Variants in RNF213 observed in about 807,000 individuals in gnomAD.
RNF213 encodes the protein E3 ubiquitin-protein ligase RNF213.
A neutral mutation model predicts 514.4 loss-of-function variants in RNF213; 341 were observed. The ratio of observed to expected loss-of-function variants is 0.66; its 90% CI spans 0.61 to 0.73. RNF213 has a LOEUF of 0.73. Ranked by LOEUF, RNF213 falls within the 30% of genes least tolerant of loss-of-function variation. RNF213 has a pLI of 0.00. For synonymous variants in RNF213, 2,655 were observed against 2,658.2 expected (o/e 1.00, Z 0.04); for missense variants, 5,767 against 6,615.6 (o/e 0.87, Z 4.45).
At chr17:80,390,560 C>T (rs2080424748) in intron 67 of RNF213, among the ~76,000 whole-genome samples, 1 of 151,912 alleles carries the variant, frequency 6.6e-6, no homozygotes, top group Admixed American at 6.6e-5. Flanking sequence ...CCATGCCTGG[C>T]TAATTTTTGT....
At chr17:80,309,751 T>C (rs1165881531) in intron 14 of RNF213, among the ~76,000 whole-genome samples, 1 of 149,636 alleles carries the variant, frequency 6.7e-6, no homozygotes, top group East Asian at 2.0e-4. Context: ...AGTTTTTTTT[T>C]TGTTTTTTGT....
chr17:80,334,040 G>C, intron 21 of RNF213, 65 bp from the exon 22 acceptor site: 1 of 1,530,164 alleles, frequency 6.5e-7, no homozygotes, highest in Non-Finnish European at 8.8e-7. Flanking sequence ...GTCAGTGCTT[G>C]CAGCTCACAG....
chr17:80,393,259 A>T, intron 67 of RNF213, 86 bp from the exon 68 acceptor site: 1 of 1,107,224 alleles, frequency 9.0e-7, no homozygotes, highest in Non-Finnish European at 1.3e-6. Flanking sequence ...GGGCTTACAC[A>T]CGTGAGCCAC....
rs2046330674 is a variant in RNF213 at position 80,328,310 on chromosome 17, G to A, written c.3368-18G>A. ...TGTTGCTGTATTGGGTTACTTTATT[G>A]GTGTTCTTATTTTCCAGGGGAAAAA... On this transcript the variant is annotated intron_variant, in intron 19 of 67. Transcript: ENST00000582970. 6.5e-7 allele frequency: 1 copy of A among 1,533,034 alleles called. No homozygotes were observed. Among genetic ancestry groups the A allele is most frequent in the East Asian group, 2.4e-5 (1 of 40,862 alleles). The allele number at this position is 1,533,034 out of a possible 1,614,324, so 95.0% of individuals were successfully genotyped here. A position where few individuals can be genotyped will look rare whatever the true frequency, so the allele number is the denominator to read the frequency against.
chr17:80,287,927 A>T lies in RNF213; in HGVS notation c.374A>T (p.Asn125Ile), dbSNP rs1360739590. Reference sequence around the variant, plus strand: ...CCCTGTCACCTGACTTTGCTTTCAAACCCGTGGCCTCAGGACACAGCCCTG... The same window carrying T: ...CCCTGTCACCTGACTTTGCTTTCAATCCCGTGGCCTCAGGACACAGCCCTG... ...ASPCHLTLLS[N>I]PWPQDTALPH... Residue 125 changes from asparagine to isoleucine, a missense_variant, in exon 4 of 68, where the codon AAC becomes ATC. By Grantham distance (149) the Asn-to-Ile change is moderately radical (BLOSUM62 -3). This residue lies in a region of RNF213 where 509 missense variants were observed against 496.7 expected (regional missense o/e 1.02). Transcript: ENST00000582970. 6.4e-7 allele frequency: 1 copy of T among 1,570,798 alleles called. No homozygotes were observed. The highest frequency in any genetic ancestry group is 8.6e-7 in the Non-Finnish European group (1 of 1,158,068).
At position 80,372,793 on chromosome 17, in the gene RNF213, A is replaced by G. The variant is rs1438647510; in HGVS notation, c.12751+59A>G. 14 of 1,547,920 alleles carry G rather than the reference A, an allele frequency of 9.0e-6. No individual in the cohort carries two copies. The African/African-American group carries it at 1.5e-4, about 17-fold the overall frequency. Reference sequence around the variant, plus strand: ...TAAAGACTCCGTTATTTAGAAATTCAGGAAGTATGGGAAACTAGTTCTTCG... The same window carrying G: ...TAAAGACTCCGTTATTTAGAAATTCGGGAAGTATGGGAAACTAGTTCTTCG... On this transcript the variant is annotated intron_variant, in intron 48 of 67. Coordinates refer to ENST00000582970, the MANE Select transcript of RNF213 (RefSeq NM_001256071.3).
At position 80,339,957 on chromosome 17, in the gene RNF213, C is replaced by T; in HGVS notation, c.5590C>T (p.Leu1864Phe). The T allele has an allele frequency of 6.5e-7, 1 of 1,537,098 alleles. No homozygotes were observed. Among genetic ancestry groups the T allele is most frequent in the Non-Finnish European group, 8.7e-7 (1 of 1,146,934 alleles). ...CCTGCCCACTTACGATGAGGTGCTG[C>T]TCTGCACCCCGGCAACCACCTTTGA... ...QPLPTYDEVL[L>F]CTPATTFEEV... Residue 1864 changes from leucine (L) to phenylalanine (F), a missense_variant, in exon 26 of 68, where the codon CTC (leucine) becomes TTC (phenylalanine). Transcript: ENST00000582970.
chr17:80,381,958 TCCCTCCATTCACCCCTGCCTGGC>T, intron 57 of RNF213: 1 of 547,248 alleles, frequency 1.8e-6, no homozygotes, highest in Non-Finnish European at 3.3e-6. Context: ...GCTGCTCTGT[TCCCTCCATTCACCCCTGCCTGGC>T]TAAGACCTGC....
At position 80,349,774 on chromosome 17, in the gene RNF213, C is replaced by G; in HGVS notation, c.9956C>G (p.Thr3319Ser). ...TTGCATTTCTTAACTCTGTAGATCA[C>G]CACTTTCTCCAGGCTGCTAACAAGT... ...LERHAIFTEI[T>S]TFSRLLTSHD... is the part of the protein sequence containing the mutation. The change falls in exon 30 of 68, where the codon ACC (threonine) becomes AGC (serine). Residue 3319 changes from threonine (T) to serine (S), a missense_variant. This residue lies in a region of RNF213 where 919 missense variants were observed against 1,121.0 expected (regional missense o/e 0.82). Coordinates refer to ENST00000582970, the MANE Select transcript of RNF213 (RefSeq NM_001256071.3). 1.2e-6 allele frequency: 2 copies of G among 1,614,190 alleles called. No individual in the cohort carries two copies. The highest frequency in any genetic ancestry group is 2.2e-5 in the South Asian group (2 of 91,090).
chr17:80,340,363 A>T lies in RNF213; in HGVS notation c.5989+7A>T. ...TCGGAGCGAGCAGGTGTTGGTAAGG[A>T]GAGCGGCAGGGTGGGCAGGCCCCGT... is the stretch of plus-strand genomic sequence containing the variant. On this transcript the variant is annotated splice_region_variant and intron_variant, in intron 26 of 67. Coordinates refer to ENST00000582970, the MANE Select transcript of RNF213 (RefSeq NM_001256071.3). The T allele has an allele frequency of 6.2e-7, 1 of 1,607,272 alleles. No individual in the cohort carries two copies.
At chr17:80,262,878 AGCTGCC>A (rs142450598) in intron 1 of RNF213, among the ~76,000 whole-genome samples, 8 of 152,308 alleles carry the variant, frequency 5.3e-5, no homozygotes, top group African/African-American at 1.9e-4. Flanking sequence ...GGCACCAGTC[AGCTGCC>A]GCTCCAGCCA....
intron 67 of RNF213, 141 bp downstream of exon 67, chr17:80,390,337 G>A: frequency 1.0e-6 from 1 of 962,278 alleles, no homozygotes; most frequent in Admixed American, 2.3e-5. Context: ...GGCACCTGAG[G>A]ACTGGCTTTT....
At chr17:80,300,433 A>G (rs531962066) in intron 11 of RNF213, among the ~76,000 whole-genome samples, 1 of 152,202 alleles carries the variant, frequency 6.6e-6, no homozygotes, top group Admixed American at 6.5e-5. Flanking sequence ...TAGTAGAGAC[A>G]GGGTTGCACC....
At chr17:80,362,990 A>G (rs915216096) in intron 39 of RNF213, 112 bp from the exon 40 acceptor site, 13 of 1,030,926 alleles carry the variant, frequency 1.3e-5, no homozygotes, top group Non-Finnish European at 1.8e-5. Context: ...AATAGCACAC[A>G]TGGTTTCTAA....
rs72847093 is a variant in RNF213 at position 80,272,397 on chromosome 17, T to C, written c.98-844T>C. On this transcript the variant is annotated intron_variant, in intron 2 of 67. Transcript: ENST00000582970. ...TGGCCCTGATGTCTGGTGAGGGCTT[T>C]TGTGCCACATGGCAGAGTAGGCCGA... Among the ~76,000 whole-genome samples, 1,069 of 152,356 alleles carry C rather than the reference T, an allele frequency of 7.0e-3. 1 individual carries two copies. Among genetic ancestry groups the C allele is most frequent in the Non-Finnish European group, 0.01 (699 of 68,028 alleles).
In RNF213 at chr17:80,389,247, G is replaced by C. The variant is rs61745567; in HGVS notation, c.15075G>C (p.Leu5025=). Residue 5025 remains leucine, a synonymous_variant, in exon 65 of 68, where the codon CTG becomes CTC. Transcript: ENST00000582970. ...LQSYSDACEV[L]SVVEVTLGFL... ...CCTACAGCGATGCCTGTGAAGTGCT[G>C]TCTGTCGTAGAAGTCACTCTGGGGT... is the stretch of plus-strand genomic sequence containing the variant. The C allele has an allele frequency of 1.4e-5, 22 of 1,614,140 alleles. No homozygotes were observed. Among genetic ancestry groups the C allele is most frequent in the African/African-American group, 4.0e-5 (3 of 74,954 alleles).
chr17:80,377,873 G>A lies in RNF213; in HGVS notation c.13545+77G>A, dbSNP rs1416317600. ...TTGGAGGAGGGGGATCGTGGGTCAG[G>A]AGAGTGAGGCTCTCGGCCTTCCAGG... On this transcript the variant is annotated intron_variant, in intron 54 of 67. Transcript: ENST00000582970. The surrounding 1 kb of genome is among the most constrained non-coding windows in gnomAD (Gnocchi z 4.1). The A allele has an allele frequency of 2.0e-6, 3 of 1,531,074 alleles. No individual in the cohort carries two copies. Among genetic ancestry groups the A allele is most frequent in the Non-Finnish European group, 1.8e-6 (2 of 1,104,892 alleles). 94.8% of individuals were successfully genotyped at this position (1,531,074 alleles called of 1,614,324 possible). A position where few individuals can be genotyped will look rare whatever the true frequency, so the allele number is the denominator to read the frequency against.
In RNF213 at chr17:80,317,366, G is replaced by A. The variant is rs1568062552; in HGVS notation, c.2901+89G>A. ...TAGCGACAGCCAAGAGATCTCAGCAGTGCCTCTCTGTGGGCAGGGATGGGG... is the reference window on the plus strand; with the variant it reads ...TAGCGACAGCCAAGAGATCTCAGCAATGCCTCTCTGTGGGCAGGGATGGGG... On this transcript the variant is annotated intron_variant, in intron 16 of 67. Transcript: ENST00000582970. This position sits in a 1 kb window ranked among gnomAD's most constrained non-coding sequence, Gnocchi z 4.1. 8.9e-7 allele frequency: 1 copy of A among 1,127,804 alleles called. No homozygotes were observed. The highest frequency in any genetic ancestry group is 1.3e-5 in the South Asian group (1 of 76,316). 69.9% of individuals were successfully genotyped at this position (1,127,804 alleles called of 1,614,324 possible). A position where few individuals can be genotyped will look rare whatever the true frequency, so the allele number is the denominator to read the frequency against.
rs1219519273 is a variant in RNF213, at chr17:80,397,590, C to G, written c.*4092C>G. On this transcript the variant is annotated 3_prime_UTR_variant, in exon 68 of 68. Transcript: ENST00000582970. Reference sequence around the variant, plus strand: ...TGCATGCAGCCCCCAGTCACGTACCCCCTGCTTGCTCAATCAATCACGACC... The same window carrying G: ...TGCATGCAGCCCCCAGTCACGTACCGCCTGCTTGCTCAATCAATCACGACC... 1 of 151,980 alleles carries G rather than the reference C, an allele frequency of 6.6e-6. No homozygotes were observed. The highest frequency in any genetic ancestry group is 2.4e-5 in the African/African-American group (1 of 41,322). The allele number at this position is 151,980 out of a possible 1,614,324, so 9.4% of individuals were successfully genotyped here.
Sources: allele counts gnomAD v4.1 joint callset (sites outside exome capture counted in the v4.1 genomes callset), GRCh38; gene constraint gnomAD v4.1.1; regional missense constraint gnomAD v4.1.1; non-coding constraint Gnocchi (gnomAD v3.1); transcripts MANE v1.5; gene names NCBI Gene and HGNC (gene_info 2026-07-23, HGNC 2026-07-21).